The following DDX60L variants were observed in gnomAD, a reference collection of about 807,000 sequenced individuals.
DDX60L encodes the protein probable ATP-dependent RNA helicase DDX60-like.
DDX60L carries 191 observed loss-of-function variants against 211.6 expected under a neutral mutation model. The observed-to-expected ratio is 0.90, with a 90% CI of 0.80 to 1.02. DDX60L has a LOEUF of 1.02. Ranked by LOEUF, DDX60L falls within the 50% of genes least tolerant of loss-of-function variation. The pLI is 0.00. For synonymous variants in DDX60L, 706 were observed against 694.1 expected (o/e 1.02, Z -0.27); for missense variants, 2,007 against 1,984.1 (o/e 1.01, Z -0.22).
intron 17 of DDX60L, among the ~76,000 whole-genome samples, chr4:168,420,830 T>C (rs1426412869): frequency 1.3e-5 from 2 of 152,296 alleles, no homozygotes; most frequent in African/African-American, 4.8e-5. Flanking sequence ...TCTCTGCCTG[T>C]GTTTGTCGGG....
intron 4 of DDX60L, among the ~76,000 whole-genome samples, chr4:168,466,383 G>C (rs890692074): frequency 1.3e-5 from 2 of 152,114 alleles, no homozygotes; most frequent in Non-Finnish European, 2.9e-5. Context: ...TATCACAATA[G>C]AGAATCTGTG....
intron 24 of DDX60L, among the ~76,000 whole-genome samples, chr4:168,405,430 TC>T (rs1191555455): frequency 1.3e-5 from 2 of 152,236 alleles, no homozygotes; most frequent in Non-Finnish European, 2.9e-5. Context: ...TCTTTGCTTC[TC>T]AGCATAGCCA....
At chr4:168,441,600 A>G in intron 9 of DDX60L, 108 bp from the exon 10 acceptor site, 3 of 913,448 alleles carry the variant, frequency 3.3e-6, no homozygotes, top group South Asian at 3.8e-5. Flanking sequence ...ATGATCAAAT[A>G]TGGAAACTTA....
At chr4:168,399,279 G>GT (rs1553998920) in intron 26 of DDX60L, among the ~76,000 whole-genome samples, 39,505 of 152,040 alleles carry the variant, frequency 0.26, 5,333 homozygotes, top group Middle Eastern at 0.39. Flanking sequence ...CCTTCAGGGA[G>GT]CCAGACCTAG....
chr4:168,443,942 A>T (rs1754343540), intron 9 of DDX60L, among the ~76,000 whole-genome samples: 1 of 131,220 alleles, frequency 7.6e-6, no homozygotes, highest in South Asian at 2.7e-4. Context: ...TGTAAAGACC[A>T]GCGAGACTAG....
chr4:168,360,596 G>C (rs1233154318), intron 37 of DDX60L, among the ~76,000 whole-genome samples: 1 of 152,218 alleles, frequency 6.6e-6, no homozygotes, highest in Non-Finnish European at 1.5e-5. Context: ...AATGGAGCTA[G>C]ACAAAAACTG....
chr4:168,442,036 C>A (rs2150000026), intron 9 of DDX60L, among the ~76,000 whole-genome samples: 1 of 152,268 alleles, frequency 6.6e-6, no homozygotes, highest in South Asian at 2.1e-4. Context: ...TGGTCTACAG[C>A]TCCCAGCGTG....
chr4:168,479,691 G>C (rs1479939169), intron 1 of DDX60L, among the ~76,000 whole-genome samples: 3 of 152,066 alleles, frequency 2.0e-5, no homozygotes, highest in South Asian at 4.2e-4. Context: ...AAATCCGGCC[G>C]GGCGCGGTGG....
intron 10 of DDX60L, among the ~76,000 whole-genome samples, chr4:168,438,027 C>T (rs1191891866): frequency 6.6e-6 from 1 of 152,106 alleles, no homozygotes; most frequent in East Asian, 1.9e-4. Context: ...GCACATGCCA[C>T]CATGCCCAGA....
intron 24 of DDX60L, among the ~76,000 whole-genome samples, chr4:168,405,494 T>C (rs1747593204): frequency 6.6e-6 from 1 of 152,264 alleles, no homozygotes; most frequent in Non-Finnish European, 1.5e-5. Context: ...GGTATATTTA[T>C]ATTTTCTCAT....
chr4:168,472,829 A>G lies in DDX60L; in HGVS notation c.-110-20T>C, dbSNP rs992541249. 93 of 778,264 alleles carry G rather than the reference A, an allele frequency of 1.2e-4. No homozygotes were observed. The highest frequency in any genetic ancestry group is 1.9e-4 in the Non-Finnish European group (91 of 490,170). The allele number at this position is 778,264 out of a possible 1,614,324, so 48.2% of individuals were successfully genotyped here. A position where few individuals can be genotyped will look rare whatever the true frequency, so the allele number is the denominator to read the frequency against. The stretch of plus-strand genomic sequence containing the variant: ...GCACCTCTGTAATAAAAGAAAAAAT[A>G]GAACTGCAGTTATTCCTAAAACAAA... On this transcript the variant is annotated intron_variant, in intron 1 of 37. Transcript: ENST00000682922.
At chr4:168,392,867 C>CG (rs1417795861) in intron 28 of DDX60L, among the ~76,000 whole-genome samples, 2 of 150,654 alleles carry the variant, frequency 1.3e-5, no homozygotes, top group Admixed American at 1.3e-4. Flanking sequence ...AAAAGTGTTC[C>CG]GTGTAGCAAG....
intron 1 of DDX60L, among the ~76,000 whole-genome samples, chr4:168,476,841 G>T (rs1759569567): frequency 6.6e-6 from 1 of 152,168 alleles, no homozygotes. Context: ...AACGTGAGTG[G>T]AAGTGATAGC....
intron 22 of DDX60L, among the ~76,000 whole-genome samples, chr4:168,411,238 G>A (rs1197272498): frequency 1.3e-5 from 2 of 152,086 alleles, no homozygotes; most frequent in African/African-American, 2.4e-5. Flanking sequence ...CACACAAAAG[G>A]CACCTTTATA....
At chr4:168,375,625 A>G in intron 33 of DDX60L, 101 bp from the exon 34 acceptor site, 1 of 1,076,198 alleles carries the variant, frequency 9.3e-7, no homozygotes, top group East Asian at 3.1e-5. Flanking sequence ...ATTGATGCTC[A>G]TTCATCAAAA....
In DDX60L at chr4:168,472,525, C is replaced by G. The variant is rs866612377; in HGVS notation, c.5-1G>C. 3 of 1,579,838 alleles carry G rather than the reference C, an allele frequency of 1.9e-6. No individual in the cohort carries two copies. The highest frequency in any genetic ancestry group is 2.6e-6 in the Non-Finnish European group (3 of 1,161,642). On this transcript the variant is annotated splice_acceptor_variant, in intron 2 of 37. Coordinates refer to ENST00000682922, the MANE Select transcript of DDX60L (RefSeq NM_001012967.3). LOFTEE classifies it high-confidence loss of function. ...AAAAATACTGCATGATCCTTTGACC[C>G]TAAAAATAAGGAGATTTTTTGAGCC...
At chr4:168,434,553 C>G (rs1752785840) in intron 10 of DDX60L, among the ~76,000 whole-genome samples, 1 of 152,232 alleles carries the variant, frequency 6.6e-6, no homozygotes, top group East Asian at 1.9e-4. Flanking sequence ...CTAAATGCCA[C>G]AGGGATAATT....
chr4:168,417,408 C>T (rs1252714044), intron 19 of DDX60L, among the ~76,000 whole-genome samples: 1 of 152,160 alleles, frequency 6.6e-6, no homozygotes, highest in Non-Finnish European at 1.5e-5. Flanking sequence ...CATATACGAC[C>T]CTGCTACTTA....
At chr4:168,439,091 G>A (rs1164674993) in intron 10 of DDX60L, among the ~76,000 whole-genome samples, 1 of 152,112 alleles carries the variant, frequency 6.6e-6, no homozygotes, top group Non-Finnish European at 1.5e-5. Flanking sequence ...GCACAAGTGT[G>A]ATTTCGTTAG....
Sources: allele counts gnomAD v4.1 joint callset (sites outside exome capture counted in the v4.1 genomes callset), GRCh38; gene constraint gnomAD v4.1.1; transcripts MANE v1.5; gene names NCBI Gene and HGNC (gene_info 2026-07-23, HGNC 2026-07-21).